Variants in FNDC1 observed in about 807,000 individuals in gnomAD.
The protein encoded by FNDC1 is fibronectin type III domain-containing protein 1.
Under a neutral mutation model 168.0 loss-of-function variants are expected in FNDC1, and 96 were observed. The observed-to-expected ratio is 0.57, with a 90% confidence interval of 0.48 to 0.68. The LOEUF is 0.68. Ranked by LOEUF, FNDC1 falls within the 30% of genes least tolerant of loss-of-function variation. The probability of loss-of-function intolerance (pLI) is 0.00; values close to 1 mark genes in which losing one functional copy is unlikely to be tolerated. For missense variants in FNDC1, 2,587 were observed against 2,482.1 expected, an observed-to-expected ratio of 1.04 and a Z score of -0.90; for synonymous variants, 1,099 against 1,025.9, an observed-to-expected ratio of 1.07 and a Z score of -1.36.
intron 22 of FNDC1, 39 bp from the exon 23 acceptor site, chr6:159,271,288 G>C: frequency 7.0e-7 from 1 of 1,435,906 alleles, no homozygotes; most frequent in South Asian, 1.2e-5. Context: ...TTGGTTCAGG[G>C]GCCTCTGACG....
intron 1 of FNDC1, among the ~76,000 whole-genome samples, chr6:159,181,944 T>C (rs969952628): frequency 2.6e-5 from 4 of 152,158 alleles, no homozygotes; most frequent in Non-Finnish European, 4.4e-5. Flanking sequence ...CTGGCTCCAG[T>C]CTGTTTTTTA....
chr6:159,233,567 C>T lies in FNDC1; in HGVS notation c.3055C>T (p.Pro1019Ser), dbSNP rs1050029157. Reference sequence around the variant, plus strand: ...CGCCACGTCCCAGCACCACCCGGGACCCCAGAGCAGAGACGCGGGTCGGTC... The same window carrying T: ...CGCCACGTCCCAGCACCACCCGGGATCCCAGAGCAGAGACGCGGGTCGGTC... ...PVATSQHHPGPQSRDAGRSPS... is the reference protein window; with the variant it reads ...PVATSQHHPGSQSRDAGRSPS... The change falls in exon 11 of 23, where the codon CCC becomes TCC. Residue 1019 changes from proline to serine, a missense_variant. Pro to Ser is a moderately conservative substitution (Grantham distance 74). Transcript: ENST00000297267. This position sits in a 1 kb window ranked among gnomAD's most constrained non-coding sequence, Gnocchi z 4.6. 5.7e-6 allele frequency: 9 copies of T among 1,591,458 alleles called. No homozygotes were observed. In the Admixed American group the frequency reaches 1.0e-4, roughly 18 times the overall value.
chr6:159,208,745 A>G (rs1004534991), intron 4 of FNDC1, among the ~76,000 whole-genome samples: 1 of 152,146 alleles, frequency 6.6e-6, no homozygotes, highest in African/African-American at 2.4e-5. Context: ...AACTTGGGAG[A>G]ATGTGACACA....
chr6:159,261,511 A>G (rs1777484016), intron 19 of FNDC1, among the ~76,000 whole-genome samples: 1 of 152,204 alleles, frequency 6.6e-6, no homozygotes, highest in African/African-American at 2.4e-5. Flanking sequence ...GAAAGGAAAA[A>G]ATCTAGATTT....
Position 159,266,149 on chromosome 6 carries a change from C to T in FNDC1, c.5350C>T (p.Arg1784Trp), listed in dbSNP as rs180849332. The part of the protein sequence containing the change: ...HDPSYTDCHG[R>W]QYVKRTWYRK... ...TCCCAGCTACACGGACTGCCATGGA[C>T]GGCAATATGTGAAGCGCACGTGGTA... The change falls in exon 21 of 23, where the codon CGG becomes TGG. Residue 1784 changes from arginine to tryptophan, a missense_variant. Arg to Trp is a moderately radical substitution (Grantham distance 101). Coordinates refer to ENST00000297267, the MANE Select transcript of FNDC1 (RefSeq NM_032532.3). 4.6e-3 allele frequency: 7,462 copies of T among 1,613,912 alleles called. 22 individuals are homozygous for T. Among genetic ancestry groups the T allele is most frequent in the Non-Finnish European group, 5.6e-3 (6,592 of 1,179,850 alleles).
Position 159,256,628 on chromosome 6 carries a change from C to T in FNDC1, c.5171C>T (p.Thr1724Met), listed in dbSNP as rs981479986. 52 of 1,605,174 alleles carry T rather than the reference C, an allele frequency of 3.2e-5. No individual in the cohort carries two copies. The highest frequency in any genetic ancestry group is 4.5e-5 in the East Asian group (2 of 44,858). ...CCCATTGAGAACCTAAAGCCCAACA[C>T]GAGGTACGATGTGTCAGTCATTTAG... ...HLPIENLKPN[T>M]RYYFKVQAQN... Residue 1724 changes from threonine (T) to methionine (M), a missense_variant, in exon 18 of 23, where the codon ACG (threonine) becomes ATG (methionine). By Grantham distance (81) the Thr-to-Met change is moderately conservative. Transcript: ENST00000297267.
intron 5 of FNDC1, among the ~76,000 whole-genome samples, chr6:159,215,455 T>C (rs759399687): frequency 2.6e-5 from 4 of 152,220 alleles, no homozygotes; most frequent in Admixed American, 1.3e-4. Context: ...TCTTGTCATC[T>C]TGGCTGTTTT....
chr6:159,233,647 G>A lies in FNDC1; in HGVS notation c.3135G>A (p.Ser1045=), dbSNP rs372428924. 46 of 1,553,622 alleles carry A rather than the reference G, an allele frequency of 3.0e-5. No homozygotes were observed. Among genetic ancestry groups the A allele is most frequent in the Non-Finnish European group, 3.7e-5 (43 of 1,150,962 alleles). ...LTQAGRPRPT[S]QGRSHSSSDP... is the part of the protein sequence containing the mutation. ...AGGCCGGGCGGCCCCGCCCCACGTCGCAGGGCCGCTCCCACTCCTCCTCGG... is the reference window on the plus strand; with the variant it reads ...AGGCCGGGCGGCCCCGCCCCACGTCACAGGGCCGCTCCCACTCCTCCTCGG... Residue 1045 remains serine (S), a synonymous_variant, in exon 11 of 23, where the codon TCG becomes TCA. Coordinates refer to ENST00000297267, the MANE Select transcript of FNDC1 (RefSeq NM_032532.3). This position sits in a 1 kb window ranked among gnomAD's most constrained non-coding sequence, Gnocchi z 4.6.
intron 4 of FNDC1, among the ~76,000 whole-genome samples, chr6:159,201,533 A>T (rs960007405): frequency 7.2e-5 from 11 of 152,218 alleles, no homozygotes; most frequent in Non-Finnish European, 1.6e-4. Flanking sequence ...GGAAGTTGGA[A>T]GAGGGAAGTA....
At chr6:159,241,864 G>A (rs997517107) in intron 14 of FNDC1, among the ~76,000 whole-genome samples, 2 of 152,034 alleles carry the variant, frequency 1.3e-5, no homozygotes, top group Non-Finnish European at 2.9e-5. Flanking sequence ...TCATCATCCC[G>A]CTAAGGCCAC....
intron 1 of FNDC1, among the ~76,000 whole-genome samples, chr6:159,189,105 C>A (rs1280790971): frequency 6.6e-6 from 1 of 152,178 alleles, no homozygotes; most frequent in Non-Finnish European, 1.5e-5. Context: ...CCATCGGGGT[C>A]TGACTATGGA....
In FNDC1 at chr6:159,232,744, G is replaced by C. The variant is rs566148376; in HGVS notation, c.2232G>C (p.Gly744=). Residue 744 remains glycine, a synonymous_variant, in exon 11 of 23, where the codon GGG becomes GGC. Transcript: ENST00000297267. This position sits in a 1 kb window ranked among gnomAD's most constrained non-coding sequence, Gnocchi z 4.9. ...PHLSSPLSKG[G]KDGEDAPATN... is the part of the protein sequence containing the mutation. Reference sequence around the variant, plus strand: ...TGAGCTCTCCACTTTCCAAGGGCGGGAAGGATGGTGAGGACGCCCCAGCCA... The same window carrying C: ...TGAGCTCTCCACTTTCCAAGGGCGGCAAGGATGGTGAGGACGCCCCAGCCA... The C allele has an allele frequency of 6.2e-7, 1 of 1,613,930 alleles. No individual in the cohort carries two copies. The highest frequency in any genetic ancestry group is 1.1e-5 in the South Asian group (1 of 91,082).
chr6:159,229,735 G>A lies in FNDC1; in HGVS notation c.1181-80G>A, dbSNP rs55642955. 101 of 1,283,948 alleles carry A rather than the reference G, an allele frequency of 7.9e-5. 1 individual carries two copies. In the African/African-American group the frequency reaches 8.5e-4, roughly 11 times the overall value. The allele number at this position is 1,283,948 out of a possible 1,614,324, so 79.5% of individuals were successfully genotyped here. ...ATTTTAGTAATGCACGTTCTAATTC[G>A]TCCTGCCCATACAGTCTGTCTGCTG... On this transcript the variant is annotated intron_variant, in intron 9 of 22. Transcript: ENST00000297267.
chr6:159,173,860 C>A (rs1411964282), intron 1 of FNDC1, among the ~76,000 whole-genome samples: 1 of 152,172 alleles, frequency 6.6e-6, no homozygotes, highest in African/African-American at 2.4e-5. Context: ...GAGGTGCCCA[C>A]ATCCTTGGTT....
chr6:159,173,375 G>A (rs190318695), intron 1 of FNDC1, among the ~76,000 whole-genome samples: 320 of 152,300 alleles, frequency 2.1e-3, no homozygotes, highest in African/African-American at 7.4e-3. Flanking sequence ...GCTTTATGGG[G>A]TTTCCCTGTT....
intron 15 of FNDC1, among the ~76,000 whole-genome samples, chr6:159,247,474 C>T (rs539414034): frequency 5.9e-5 from 9 of 152,186 alleles, no homozygotes; most frequent in Admixed American, 3.3e-4. Flanking sequence ...AGAGGCCGGC[C>T]GCAGTGGCTC....
At chr6:159,178,311 C>T (rs552324962) in intron 1 of FNDC1, among the ~76,000 whole-genome samples, 71 of 152,310 alleles carry the variant, frequency 4.7e-4, no homozygotes, top group Middle Eastern at 3.4e-3. Context: ...CCTGAGTATG[C>T]GTATAGTTCA....
rs767205263 is a variant in FNDC1 at position 159,233,220 on chromosome 6, C to T, written c.2708C>T (p.Ser903Phe). 6.2e-7 allele frequency: 1 copy of T among 1,613,696 alleles called. No individual in the cohort carries two copies. Among genetic ancestry groups the T allele is most frequent in the Non-Finnish European group, 8.5e-7 (1 of 1,179,772 alleles). The stretch of plus-strand genomic sequence containing the variant: ...CCTTCCTCCTCCAGGCAGCCCATCT[C>T]CCGGGGCTGGGAGGACTTAAGGAGA... ...HVPSSSRQPISRGWEDLRRSP... is the reference protein window; with the variant it reads ...HVPSSSRQPIFRGWEDLRRSP... Residue 903 changes from serine (S) to phenylalanine (F), a missense_variant, in exon 11 of 23, where the codon TCC (serine) becomes TTC (phenylalanine). Ser to Phe is a radical substitution (Grantham distance 155). Coordinates refer to ENST00000297267, the MANE Select transcript of FNDC1 (RefSeq NM_032532.3). This position sits in a 1 kb window ranked among gnomAD's most constrained non-coding sequence, Gnocchi z 4.6.
At position 159,234,112 on chromosome 6, in the gene FNDC1, G is replaced by A. The variant is rs1209033405; in HGVS notation, c.3600G>A (p.Val1200=). 8.7e-6 allele frequency: 14 copies of A among 1,606,830 alleles called. No homozygotes were observed. Among genetic ancestry groups the A allele is most frequent in the Non-Finnish European group, 1.2e-5 (14 of 1,176,500 alleles). ...GGKEDLLSSS[V]PKWPSSSTPR... ...AAGAAGACCTTCTGTCTTCCTCTGTGCCAAAGTGGCCCTCTTCCTCCACTC... is the reference window on the plus strand; with the variant it reads ...AAGAAGACCTTCTGTCTTCCTCTGTACCAAAGTGGCCCTCTTCCTCCACTC... The change falls in exon 11 of 23, where the codon GTG becomes GTA. Residue 1200 remains valine (V), a synonymous_variant. Transcript: ENST00000297267.
Sources: gnomAD v4.1 joint callset for allele counts (sites outside exome capture counted in the v4.1 genomes callset) on GRCh38, gnomAD v4.1.1 for gene constraint, Gnocchi (gnomAD v3.1) non-coding constraint, MANE v1.5 for transcripts, NCBI Gene and HGNC (gene_info 2026-07-23, HGNC 2026-07-21) for gene names.